The following KDM4B variants were observed in gnomAD, a reference collection of about 807,000 sequenced individuals.
KDM4B encodes lysine demethylase 4B.
In KDM4B, 32 loss-of-function variants were observed where a neutral mutation model predicts 125.2. The ratio of observed to expected loss-of-function variants is 0.26; its 90% CI spans 0.19 to 0.34. The LOEUF (loss-of-function observed/expected upper bound fraction) is 0.34. Ranked by LOEUF, KDM4B falls within the 10% of genes least tolerant of loss-of-function variation. KDM4B has a pLI of 1.00. For missense variants in KDM4B, 1,190 were observed against 1,577.7 expected, an observed-to-expected ratio of 0.75 and a Z score of 4.16; for synonymous variants, 721 against 677.9, an observed-to-expected ratio of 1.06 and a Z score of -0.99.
intron 18 of KDM4B, 189 bp downstream of exon 18, chr19:5,138,259 G>A (rs527619047): frequency 1.1e-4 from 67 of 588,188 alleles, no homozygotes; most frequent in South Asian, 2.8e-4. Context: ...ATCCTTCCCC[G>A]AGGTGCAAGG....
chr19:4,979,792 A>G (rs2145315956), intron 1 of KDM4B, among the ~76,000 whole-genome samples: 1 of 152,322 alleles, frequency 6.6e-6, no homozygotes, highest in East Asian at 1.9e-4. Context: ...ACATACTATG[A>G]AATTCATCTT....
rs182529901 is a variant in KDM4B, at chr19:5,082,266, C to G, written c.781-101C>G. The G allele has an allele frequency of 6.9e-6, 10 of 1,445,548 alleles. No homozygotes were observed. The highest frequency in any genetic ancestry group is 1.2e-5 in the South Asian group (1 of 81,324). 89.5% of individuals were successfully genotyped at this position (1,445,548 alleles called of 1,614,324 possible). Reference sequence around the variant, plus strand: ...TTGACTTTGTGAAACCCCCTTGGCTCATAAGCCAGGCTCCCTGGCACTTGC... The same window carrying G: ...TTGACTTTGTGAAACCCCCTTGGCTGATAAGCCAGGCTCCCTGGCACTTGC... On this transcript the variant is annotated intron_variant, in intron 8 of 22. Transcript: ENST00000159111. The surrounding 1 kb of genome is among the most constrained non-coding windows in gnomAD (Gnocchi z 5.4).
In KDM4B at chr19:5,131,814, CTG is replaced by C; in HGVS notation, c.1786-68_1786-67del. 1.9e-6 allele frequency: 3 copies of C among 1,601,840 alleles called. No homozygotes were observed. The South Asian group carries it at 3.3e-5, about 18-fold the overall frequency. ...CTCAGGCCTCAGGCACGCCGAGCCC[CTG>C]TGTGGCTCCGAGGGAGCCCCACCCA... On this transcript the variant is annotated intron_variant, in intron 12 of 22. Coordinates refer to ENST00000159111, the MANE Select transcript of KDM4B (RefSeq NM_015015.3).
At chr19:4,978,878 C>T (rs976142182) in intron 1 of KDM4B, among the ~76,000 whole-genome samples, 14 of 152,258 alleles carry the variant, frequency 9.2e-5, no homozygotes, top group South Asian at 4.2e-4. Context: ...TCCAGCTCCG[C>T]GTGAGAGTTG....
At chr19:5,096,949 G>A (rs1391695509) in intron 9 of KDM4B, among the ~76,000 whole-genome samples, 2 of 152,216 alleles carry the variant, frequency 1.3e-5, no homozygotes, top group African/African-American at 4.8e-5. Context: ...CCATGCTAGG[G>A]AAGGGCTTGT....
At chr19:5,138,659 A>AAAAAAAC (rs1270568339) in intron 18 of KDM4B, among the ~76,000 whole-genome samples, 13 of 152,224 alleles carry the variant, frequency 8.5e-5, no homozygotes, top group African/African-American at 3.1e-4. Flanking sequence ...CTGTCTCAAA[A>AAAAAAAC]AAAAACAAAC....
intron 2 of KDM4B, among the ~76,000 whole-genome samples, chr19:5,023,112 G>A (rs1403806356): frequency 6.6e-6 from 1 of 152,112 alleles, no homozygotes; most frequent in East Asian, 1.9e-4. Context: ...TGTCCTCACC[G>A]GGTCCTCATG....
intron 1 of KDM4B, among the ~76,000 whole-genome samples, chr19:5,001,442 T>A (rs1286674130): frequency 6.6e-6 from 1 of 152,184 alleles, no homozygotes; most frequent in Non-Finnish European, 1.5e-5. Context: ...AGCTGCGTAG[T>A]GTTCCTTGCA....
At position 5,082,286 on chromosome 19, in the gene KDM4B, A is replaced by C; in HGVS notation, c.781-81A>C. The C allele has an allele frequency of 6.4e-7, 1 of 1,562,062 alleles. No homozygotes were observed. The highest frequency in any genetic ancestry group is 8.7e-7 in the Non-Finnish European group (1 of 1,144,984). ...TGGCTCATAAGCCAGGCTCCCTGGCACTTGCTGGGAAGTGCCCACGTCCCA... is the reference window on the plus strand; with the variant it reads ...TGGCTCATAAGCCAGGCTCCCTGGCCCTTGCTGGGAAGTGCCCACGTCCCA... On this transcript the variant is annotated intron_variant, in intron 8 of 22. Coordinates refer to ENST00000159111, the MANE Select transcript of KDM4B (RefSeq NM_015015.3). This position sits in a 1 kb window ranked among gnomAD's most constrained non-coding sequence, Gnocchi z 5.4.
rs959487657 is a variant in KDM4B at position 5,082,712 on chromosome 19, C to T, written c.918+208C>T. Among the ~76,000 whole-genome samples the T allele has an allele frequency of 2.6e-5, 4 of 152,192 alleles. No homozygotes were observed. Among genetic ancestry groups the T allele is most frequent in the Admixed American group, 6.5e-5 (1 of 15,276 alleles). ...AAGACTGGAGAGGAGGTGGGCAGGT[C>T]GGGTGGACGATGGTGGCCCAGGGCC... On this transcript the variant is annotated intron_variant, in intron 9 of 22. Coordinates refer to ENST00000159111, the MANE Select transcript of KDM4B (RefSeq NM_015015.3). This position sits in a 1 kb window ranked among gnomAD's most constrained non-coding sequence, Gnocchi z 5.4.
At chr19:5,108,150 G>C (rs924085673) in intron 9 of KDM4B, among the ~76,000 whole-genome samples, 1 of 152,234 alleles carries the variant, frequency 6.6e-6, no homozygotes, top group Admixed American at 6.5e-5. Context: ...CCCCCTCCAC[G>C]GGTGCACACA....
At chr19:5,135,638 C>T (rs1174388387) in intron 15 of KDM4B, 77 bp downstream of exon 15, 29 of 1,298,914 alleles carry the variant, frequency 2.2e-5, no homozygotes, top group Non-Finnish European at 2.5e-5. Context: ...GGGGCTCCAT[C>T]CTCCCCTGCG....
chr19:5,067,861 TCTC>T (rs1314738873), intron 6 of KDM4B, among the ~76,000 whole-genome samples: 2 of 152,004 alleles, frequency 1.3e-5, no homozygotes. Context: ...TAGAAAGAGA[TCTC>T]CTGGGGTCAC....
intron 1 of KDM4B, among the ~76,000 whole-genome samples, chr19:4,988,900 T>C (rs1369381781): frequency 2.0e-5 from 3 of 152,094 alleles, no homozygotes; most frequent in African/African-American, 7.2e-5. Flanking sequence ...GCCCCTCCCC[T>C]CCCGTCCAGC....
chr19:5,134,163 C>T, intron 14 of KDM4B, 102 bp downstream of exon 14: 1 of 1,164,194 alleles, frequency 8.6e-7, no homozygotes, highest in Non-Finnish European at 1.2e-6. Context: ...TCACGCAGGG[C>T]AGGGTGTTGG....
intron 1 of KDM4B, among the ~76,000 whole-genome samples, chr19:4,982,724 T>A (rs2034688822): frequency 6.6e-6 from 1 of 151,956 alleles, no homozygotes; most frequent in Non-Finnish European, 1.5e-5. Context: ...GCGATTCTCC[T>A]GTCTCAGCCT....
intron 6 of KDM4B, among the ~76,000 whole-genome samples, chr19:5,052,842 G>A (rs1057028315): frequency 2.6e-5 from 4 of 152,240 alleles, no homozygotes; most frequent in African/African-American, 9.6e-5. Flanking sequence ...TGCTGCTGGC[G>A]AGCCAACCAC....
chr19:4,982,621 T>C (rs1166861092), intron 1 of KDM4B, among the ~76,000 whole-genome samples: 1 of 151,840 alleles, frequency 6.6e-6, no homozygotes, highest in Non-Finnish European at 1.5e-5. Flanking sequence ...CTTTCTCTCT[T>C]TCTTTTTTTG....
In KDM4B at chr19:5,135,329, T is replaced by G; in HGVS notation, c.2086-10T>G. ...GGCTCTGTCCCCTGAAGGTCGCCTCTCCCCTACAGGCCCTACAGACTGAGA... is the reference window on the plus strand; with the variant it reads ...GGCTCTGTCCCCTGAAGGTCGCCTCGCCCCTACAGGCCCTACAGACTGAGA... On this transcript the variant is annotated splice_polypyrimidine_tract_variant and intron_variant, in intron 14 of 22. Transcript: ENST00000159111. 6.3e-7 allele frequency: 1 copy of G among 1,592,382 alleles called. No homozygotes were observed.
Sources: gnomAD v4.1 joint callset for allele counts (sites outside exome capture counted in the v4.1 genomes callset) on GRCh38, gnomAD v4.1.1 for gene constraint, Gnocchi (gnomAD v3.1) non-coding constraint, MANE v1.5 for transcripts, NCBI Gene and HGNC (gene_info 2026-07-23, HGNC 2026-07-21) for gene names.